Variants in THSD7B observed in about 807,000 individuals in gnomAD.
The protein encoded by THSD7B is thrombospondin type-1 domain-containing protein 7B.
In THSD7B, 138 loss-of-function variants were observed where a neutral mutation model predicts 213.6. The ratio of observed to expected loss-of-function variants is 0.65; its 90% confidence interval spans 0.56 to 0.74. THSD7B has a LOEUF of 0.74. Ranked by LOEUF, THSD7B falls within the 30% of genes least tolerant of loss-of-function variation. The pLI is 0.00. For missense variants in THSD7B, 1,931 were observed against 1,991.5 expected, an observed-to-expected ratio of 0.97 and a Z score of 0.58; for synonymous variants, 742 against 687.0, an observed-to-expected ratio of 1.08 and a Z score of -1.25.
intron 3 of THSD7B, among the ~76,000 whole-genome samples, chr2:137,077,558 G>A (rs1002238685): frequency 3.3e-5 from 5 of 152,060 alleles, no homozygotes; most frequent in African/African-American, 1.2e-4. Flanking sequence ...GTTTTGATTT[G>A]CATTTCTCTG....
intron 27 of THSD7B, 127 bp from the exon 28 acceptor site, chr2:137,676,397 C>T: frequency 1.3e-6 from 1 of 795,276 alleles, no homozygotes; most frequent in Non-Finnish European, 2.0e-6. Context: ...AGGGAACCCA[C>T]ACATCTAGAG....
intron 1 of THSD7B, among the ~76,000 whole-genome samples, chr2:136,818,427 T>C (rs13005182): frequency 0.42 from 61,562 of 146,890 alleles, 13,563 homozygotes; most frequent in East Asian, 0.61. Flanking sequence ...GGGATAGCAT[T>C]GGGAGATATA....
At chr2:137,603,460 G>T (rs1457361407) in intron 17 of THSD7B, among the ~76,000 whole-genome samples, 1 of 152,194 alleles carries the variant, frequency 6.6e-6, no homozygotes, top group African/African-American at 2.4e-5. Context: ...GGAACACCCA[G>T]ATCATTGAAC....
chr2:137,546,462 TAATATA>T (rs1453973643), intron 15 of THSD7B, among the ~76,000 whole-genome samples: 1 of 23,238 alleles, frequency 4.3e-5, no homozygotes, highest in African/African-American at 2.8e-4. Flanking sequence ...ATATTATATA[TAATATA>T]TATATATATA....
At chr2:136,959,396 A>C (rs1160802593) in intron 2 of THSD7B, among the ~76,000 whole-genome samples, 1 of 152,100 alleles carries the variant, frequency 6.6e-6, no homozygotes, top group Non-Finnish European at 1.5e-5. Flanking sequence ...CTGAAACTGC[A>C]CTCATGTCCT....
At chr2:136,910,373 T>C (rs1372790616) in intron 2 of THSD7B, among the ~76,000 whole-genome samples, 2 of 152,152 alleles carry the variant, frequency 1.3e-5, no homozygotes, top group East Asian at 3.9e-4. Context: ...GGGGCTTGTG[T>C]TCACTCACAT....
intron 10 of THSD7B, among the ~76,000 whole-genome samples, chr2:137,256,214 C>G (rs1191925589): frequency 6.6e-6 from 1 of 152,130 alleles, no homozygotes. Flanking sequence ...AAACCTTTTT[C>G]TAGGGCTTAC....
intron 21 of THSD7B, among the ~76,000 whole-genome samples, chr2:137,644,467 C>T (rs970920222): frequency 3.9e-5 from 6 of 151,936 alleles, no homozygotes; most frequent in African/African-American, 1.5e-4. Flanking sequence ...AGCAAAAAGC[C>T]CACCGAAAAT....
At chr2:137,493,327 T>TA (rs1184474749) in intron 15 of THSD7B, among the ~76,000 whole-genome samples, 2 of 152,246 alleles carry the variant, frequency 1.3e-5, no homozygotes, top group East Asian at 3.9e-4. Context: ...TAACCCTTTG[T>TA]AGAGTGGGTT....
chr2:137,134,369 T>C (rs944418904), intron 5 of THSD7B, among the ~76,000 whole-genome samples: 3 of 152,164 alleles, frequency 2.0e-5, no homozygotes, highest in African/African-American at 7.2e-5. Context: ...TTCCCTTCTG[T>C]AGTCTAGCAG....
At chr2:136,794,226 CTTTCT>C (rs1455988899) in intron 1 of THSD7B, among the ~76,000 whole-genome samples, 4 of 151,244 alleles carry the variant, frequency 2.6e-5, no homozygotes, top group African/African-American at 9.7e-5. Context: ...TTTATCTTAC[CTTTCT>C]TATTTCCTTT....
chr2:137,373,120 C>G (rs1439017511), intron 12 of THSD7B, among the ~76,000 whole-genome samples: 1 of 151,976 alleles, frequency 6.6e-6, no homozygotes, highest in Non-Finnish European at 1.5e-5. Context: ...GGGTTGGTTC[C>G]AAGTCTCTGC....
chr2:137,536,467 C>T (rs1007017327), intron 15 of THSD7B, among the ~76,000 whole-genome samples: 2 of 151,370 alleles, frequency 1.3e-5, no homozygotes, highest in African/African-American at 4.8e-5. Context: ...CTGTTTAGGC[C>T]ATTAAAGTTG....
At chr2:137,274,732 G>T (rs1682828309) in intron 11 of THSD7B, among the ~76,000 whole-genome samples, 1 of 152,018 alleles carries the variant, frequency 6.6e-6, no homozygotes, top group Admixed American at 6.6e-5. Flanking sequence ...TGACATTTTA[G>T]TTCAAAAGTT....
chr2:137,667,547 T>C (rs925027354), intron 26 of THSD7B, among the ~76,000 whole-genome samples: 1 of 152,218 alleles, frequency 6.6e-6, no homozygotes, highest in Non-Finnish European at 1.5e-5. Context: ...CGTATTCCTA[T>C]GATGTTCTAA....
At chr2:137,179,025 T>C (rs1237241765) in intron 7 of THSD7B, among the ~76,000 whole-genome samples, 1 of 152,200 alleles carries the variant, frequency 6.6e-6, no homozygotes, top group Non-Finnish European at 1.5e-5. Context: ...GAGTGCTGTC[T>C]CCTTTTTCTA....
intron 17 of THSD7B, among the ~76,000 whole-genome samples, chr2:137,603,310 G>T (rs190058621): frequency 9.2e-5 from 14 of 152,304 alleles, no homozygotes; most frequent in Admixed American, 9.1e-4. Context: ...ATGGAGAAAT[G>T]AATTTTATTT....
At chr2:137,500,884 AG>A (rs1679687559) in intron 15 of THSD7B, among the ~76,000 whole-genome samples, 1 of 152,212 alleles carries the variant, frequency 6.6e-6, no homozygotes, top group Non-Finnish European at 1.5e-5. Flanking sequence ...TGCACCAGAA[AG>A]GATTGTTGCA....
At chr2:137,587,100 T>G (rs1681749722) in intron 17 of THSD7B, among the ~76,000 whole-genome samples, 1 of 152,244 alleles carries the variant, frequency 6.6e-6, no homozygotes, top group Non-Finnish European at 1.5e-5. Context: ...CTTCAATCAC[T>G]GATACCCTTT....
Sources: allele counts gnomAD v4.1 joint callset (sites outside exome capture counted in the v4.1 genomes callset), GRCh38; gene constraint gnomAD v4.1.1; transcripts MANE v1.5; gene names NCBI Gene and HGNC (gene_info 2026-07-23, HGNC 2026-07-21).